The following SLCO1C1 variants were observed in gnomAD, a reference collection of about 807,000 sequenced individuals.
SLCO1C1 encodes solute carrier organic anion transporter family member 1C1.
In SLCO1C1, 70 loss-of-function variants were observed where a neutral mutation model predicts 76.4. The observed-to-expected ratio is 0.92, with a 90% CI of 0.76 to 1.12. The LOEUF is 1.12. Among genes scored for constraint, SLCO1C1 ranks in the 50% most tolerant of loss-of-function variants. The pLI, the probability that SLCO1C1 is intolerant of heterozygous loss-of-function variation, is 0.00. For synonymous variants in SLCO1C1, 306 were observed against 286.1 expected (o/e 1.07, Z -0.70); for missense variants, 912 against 823.8 (o/e 1.11, Z -1.31).
chr12:20,700,828 A>G (rs1251523588), intron 2 of SLCO1C1, among the ~76,000 whole-genome samples: 3 of 152,144 alleles, frequency 2.0e-5, no homozygotes, highest in Admixed American at 6.6e-5. Context: ...AAGTATAAAC[A>G]TAAACACAAG....
In SLCO1C1 at chr12:20,750,760, A is replaced by G; in HGVS notation, c.1884A>G (p.Gly628=). 1.9e-6 allele frequency: 3 copies of G among 1,614,016 alleles called. No homozygotes were observed. Among genetic ancestry groups the G allele is most frequent in the Non-Finnish European group, 2.5e-6 (3 of 1,179,924 alleles). The stretch of plus-strand genomic sequence containing the variant: ...GATTTAAAAGATGTGGAAGTAGAGG[A>G]TCATGCAGATTATATGATTCAAATG... ...KWGFKRCGSR[G]SCRLYDSNVF... Residue 628 remains glycine, a synonymous_variant, in exon 14 of 15, where the codon GGA becomes GGG. Transcript: ENST00000266509.
At chr12:20,725,835 A>T (rs1947955708) in intron 9 of SLCO1C1, among the ~76,000 whole-genome samples, 1 of 151,892 alleles carries the variant, frequency 6.6e-6, no homozygotes, top group South Asian at 2.1e-4. Flanking sequence ...CACTGTAACC[A>T]TTCTTATGCG....
chr12:20,743,409 A>T, intron 13 of SLCO1C1, 40 bp downstream of exon 13: 1 of 1,501,426 alleles, frequency 6.7e-7, no homozygotes, highest in Non-Finnish European at 9.2e-7. Context: ...TAGACACCGT[A>T]AGTGTATTTT....
At chr12:20,747,975 T>A (rs1249075537) in intron 13 of SLCO1C1, among the ~76,000 whole-genome samples, 1 of 152,212 alleles carries the variant, frequency 6.6e-6, no homozygotes, top group East Asian at 1.9e-4. Context: ...CTCAGACTAC[T>A]GTATTTCTTC....
At chr12:20,698,376 TC>T (rs1241665017) in intron 1 of SLCO1C1, among the ~76,000 whole-genome samples, 2 of 152,092 alleles carry the variant, frequency 1.3e-5, no homozygotes, top group Non-Finnish European at 2.9e-5. Flanking sequence ...TCTCATCCTT[TC>T]CTTTAGTCAA....
At chr12:20,722,107 T>C (rs1014342896) in intron 8 of SLCO1C1, 58 bp downstream of exon 8, 3 of 1,546,636 alleles carry the variant, frequency 1.9e-6, no homozygotes, top group Non-Finnish European at 2.6e-6. Flanking sequence ...CTTAAGGAGA[T>C]TTATAAATTA....
At chr12:20,718,498 A>G (rs953182952) in intron 7 of SLCO1C1, among the ~76,000 whole-genome samples, 15 of 152,198 alleles carry the variant, frequency 9.9e-5, no homozygotes, top group African/African-American at 3.4e-4. Flanking sequence ...TTACACATAC[A>G]AATCTTGCTT....
chr12:20,721,555 C>A (rs947097200), intron 7 of SLCO1C1, among the ~76,000 whole-genome samples: 6 of 151,650 alleles, frequency 4.0e-5, no homozygotes, highest in African/African-American at 1.5e-4. Context: ...TTTGTATGCC[C>A]TGGGAAACAA....
chr12:20,699,519 A>G (rs75425338), intron 1 of SLCO1C1, 33 bp from the exon 2 acceptor site: 17 of 1,420,998 alleles, frequency 1.2e-5, no homozygotes, highest in East Asian at 2.5e-5. Context: ...CGTAGTATTT[A>G]TTTATTTTTA....
chr12:20,733,003 C>G lies in SLCO1C1; in HGVS notation c.1281C>G (p.Leu427=). ...TCAGTGTGTGTGGAGCTGCAAAACTCTACTTGGGATCATCTGTCTTTGGTT... is the reference window on the plus strand; with the variant it reads ...TCAGTGTGTGTGGAGCTGCAAAACTGTACTTGGGATCATCTGTCTTTGGTT... The part of the protein sequence containing the change: ...FRISVCGAAK[L]YLGSSVFGYL... Residue 427 remains leucine, a synonymous_variant, in exon 10 of 15, where the codon CTC becomes CTG. Coordinates refer to ENST00000266509, the MANE Select transcript of SLCO1C1 (RefSeq NM_017435.5). 6.2e-7 allele frequency: 1 copy of G among 1,613,792 alleles called. No homozygotes were observed. The highest frequency in any genetic ancestry group is 8.5e-7 in the Non-Finnish European group (1 of 1,179,898).
At chr12:20,724,977 G>A (rs1947892620) in intron 9 of SLCO1C1, among the ~76,000 whole-genome samples, 2 of 140,678 alleles carry the variant, frequency 1.4e-5, no homozygotes, top group South Asian at 2.2e-4. Flanking sequence ...ATAAATTTAT[G>A]ATAGTATAAA....
chr12:20,751,146 T>C (rs1014585172), intron 14 of SLCO1C1, among the ~76,000 whole-genome samples: 3 of 152,270 alleles, frequency 2.0e-5, no homozygotes, highest in Middle Eastern at 3.4e-3. Flanking sequence ...TTGATTTTTA[T>C]TCTTTTTCAA....
chr12:20,744,855 A>G (rs1424190977), intron 13 of SLCO1C1, among the ~76,000 whole-genome samples: 2 of 152,172 alleles, frequency 1.3e-5, no homozygotes, highest in African/African-American at 4.8e-5. Context: ...TATAATAGCA[A>G]AAAACTGGAA....
intron 13 of SLCO1C1, among the ~76,000 whole-genome samples, chr12:20,745,004 G>A (rs1948976846): frequency 6.6e-6 from 1 of 152,184 alleles, no homozygotes; most frequent in South Asian, 2.1e-4. Flanking sequence ...GGAAAATGGA[G>A]AACAATTTTT....
intron 5 of SLCO1C1, among the ~76,000 whole-genome samples, chr12:20,712,984 G>GATA: frequency 6.6e-6 from 1 of 152,172 alleles, no homozygotes; most frequent in East Asian, 1.9e-4. Flanking sequence ...AAATATAACA[G>GATA]ATAATAAATA....
chr12:20,739,506 G>A (rs956799037), intron 11 of SLCO1C1, among the ~76,000 whole-genome samples: 1 of 151,956 alleles, frequency 6.6e-6, no homozygotes, highest in Non-Finnish European at 1.5e-5. Context: ...GAGCTGCCCG[G>A]GCAGAGAAAA....
Position 20,752,951 on chromosome 12 carries a change from T to G in SLCO1C1, c.*423T>G, listed in dbSNP as rs1460497750. The G allele has an allele frequency of 6.6e-6, 1 of 152,532 alleles. No homozygotes were observed. The highest frequency in any genetic ancestry group is 1.5e-5 in the Non-Finnish European group (1 of 68,306). 9.4% of individuals were successfully genotyped at this position (152,532 alleles called of 1,614,324 possible). On this transcript the variant is annotated 3_prime_UTR_variant, in exon 15 of 15. Coordinates refer to ENST00000266509, the MANE Select transcript of SLCO1C1 (RefSeq NM_017435.5). ...CTTGGGTTCCTTCAAGTATTACTCCTATAGTATTTTCTCCCATAGCTGTCT... is the reference window on the plus strand; with the variant it reads ...CTTGGGTTCCTTCAAGTATTACTCCGATAGTATTTTCTCCCATAGCTGTCT...
chr12:20,737,489 G>A (rs1449975254), intron 11 of SLCO1C1, among the ~76,000 whole-genome samples: 1 of 152,108 alleles, frequency 6.6e-6, no homozygotes, highest in Non-Finnish European at 1.5e-5. Context: ...AAATAGGGTG[G>A]AAGAGATTTT....
At chr12:20,708,581 G>A (rs1320889291) in intron 4 of SLCO1C1, among the ~76,000 whole-genome samples, 1 of 152,134 alleles carries the variant, frequency 6.6e-6, no homozygotes, top group African/African-American at 2.4e-5. Flanking sequence ...CCTGATAATA[G>A]TAAAGAGGAC....
Sources: allele counts gnomAD v4.1 joint callset (sites outside exome capture counted in the v4.1 genomes callset), GRCh38; gene constraint gnomAD v4.1.1; transcripts MANE v1.5; gene names NCBI Gene and HGNC (gene_info 2026-07-23, HGNC 2026-07-21).